Variants in NRXN3 observed in about 807,000 individuals in gnomAD.
The protein encoded by NRXN3 is neurexin 3.
A neutral mutation model predicts 137.6 loss-of-function variants in NRXN3; 32 were observed. The observed-to-expected ratio is 0.23, with a 90% CI of 0.18 to 0.31. The LOEUF is 0.31. NRXN3 is among the 10% of genes least tolerant of loss of function. NRXN3 has a pLI of 1.00. For synonymous variants in NRXN3, 798 were observed against 784.5 expected, an observed-to-expected ratio of 1.02 and a Z score of -0.29; for missense variants, 1,574 against 2,062.5, an observed-to-expected ratio of 0.76 and a Z score of 4.59.
intron 15 of NRXN3, among the ~76,000 whole-genome samples, chr14:79,460,534 C>T (rs1019950630): frequency 6.6e-6 from 1 of 152,142 alleles, no homozygotes; most frequent in African/African-American, 2.4e-5. Flanking sequence ...TGTTATCAAA[C>T]AGATTTAATG....
intron 4 of NRXN3, among the ~76,000 whole-genome samples, chr14:78,599,978 C>T (rs1343780366): frequency 6.6e-6 from 1 of 152,188 alleles, no homozygotes; most frequent in Non-Finnish European, 1.5e-5. Flanking sequence ...CACTGCAAGT[C>T]ATGCCACTCT....
chr14:78,758,522 G>A (rs1357888652), intron 8 of NRXN3, among the ~76,000 whole-genome samples: 6 of 152,142 alleles, frequency 3.9e-5, no homozygotes, highest in Admixed American at 2.0e-4. Context: ...TCCTCTGGTG[G>A]ATAGTCCAAG....
At chr14:79,615,268 A>C (rs1163218135) in intron 16 of NRXN3, among the ~76,000 whole-genome samples, 1 of 152,220 alleles carries the variant, frequency 6.6e-6, no homozygotes, top group Non-Finnish European at 1.5e-5. Context: ...ATAATGATAA[A>C]TGCATCTTCA....
At chr14:79,196,985 G>C (rs181810586) in intron 15 of NRXN3, among the ~76,000 whole-genome samples, 9 of 152,138 alleles carry the variant, frequency 5.9e-5, no homozygotes, top group Non-Finnish European at 1.2e-4. Context: ...GGGTCTGGGG[G>C]TCAGTTGAGG....
chr14:79,757,686 C>A (rs2099024392), intron 19 of NRXN3, among the ~76,000 whole-genome samples: 1 of 152,154 alleles, frequency 6.6e-6, no homozygotes, highest in Non-Finnish European at 1.5e-5. Flanking sequence ...CTCCTGAGTT[C>A]CTGCCTAGGT....
intron 14 of NRXN3, among the ~76,000 whole-genome samples, chr14:78,975,659 G>T (rs1344483801): frequency 6.6e-6 from 1 of 152,172 alleles, no homozygotes; most frequent in Non-Finnish European, 1.5e-5. Context: ...TTCCAAGACA[G>T]AGGGAAGAGA....
At chr14:78,481,116 T>C (rs770962145) in intron 4 of NRXN3, among the ~76,000 whole-genome samples, 4 of 152,184 alleles carry the variant, frequency 2.6e-5, no homozygotes, top group Non-Finnish European at 4.4e-5. Flanking sequence ...TATTATATTC[T>C]GGTGTGCAAG....
At chr14:78,479,984 A>G (rs1406852418) in intron 4 of NRXN3, among the ~76,000 whole-genome samples, 1 of 152,148 alleles carries the variant, frequency 6.6e-6, no homozygotes, top group Non-Finnish European at 1.5e-5. Context: ...ACTAAAAAAT[A>G]CAAAAATTAG....
At chr14:78,311,472 G>A (rs2077973283) in intron 4 of NRXN3, among the ~76,000 whole-genome samples, 1 of 152,160 alleles carries the variant, frequency 6.6e-6, no homozygotes, top group African/African-American at 2.4e-5. Flanking sequence ...CACAGCCCAG[G>A]ATGGCTTTGA....
intron 15 of NRXN3, chr14:79,280,504 CT>C (rs2081100499): frequency 1.2e-6 from 2 of 1,613,348 alleles, no homozygotes; most frequent in Admixed American, 1.7e-5. Context: ...CTATTTCTAT[CT>C]ATCGTTCCCC....
At chr14:79,399,815 C>T (rs554655690) in intron 15 of NRXN3, among the ~76,000 whole-genome samples, 16 of 152,220 alleles carry the variant, frequency 1.1e-4, no homozygotes, top group African/African-American at 3.9e-4. Flanking sequence ...GAATAGAAGG[C>T]CAAAATCAAG....
intron 10 of NRXN3, among the ~76,000 whole-genome samples, chr14:78,822,583 G>A (rs2098953811): frequency 6.6e-6 from 1 of 151,962 alleles, no homozygotes; most frequent in Non-Finnish European, 1.5e-5. Context: ...GCTGAGGCAG[G>A]AGAATCACTT....
chr14:79,073,087 A>G (rs1431611037), intron 15 of NRXN3, among the ~76,000 whole-genome samples: 1 of 152,016 alleles, frequency 6.6e-6, no homozygotes. Context: ...GTGTTTCACC[A>G]TCTTGACCAG....
At chr14:78,263,898 TGTGTGTGTGTGTGTGTG>T (rs1424267141) in intron 2 of NRXN3, among the ~76,000 whole-genome samples, 6 of 149,934 alleles carry the variant, frequency 4.0e-5, no homozygotes, top group African/African-American at 1.2e-4. Flanking sequence ...TGTGTGTGTG[TGTGTGTGTGTGTGTGTG>T]TGTGTGTGTG....
At chr14:78,407,860 C>G (rs1255309548) in intron 4 of NRXN3, among the ~76,000 whole-genome samples, 2 of 152,178 alleles carry the variant, frequency 1.3e-5, no homozygotes, top group African/African-American at 4.8e-5. Flanking sequence ...TGCTGCTCCT[C>G]CCTCACTGGA....
chr14:78,414,611 G>A (rs747119198), intron 4 of NRXN3, among the ~76,000 whole-genome samples: 31 of 152,228 alleles, frequency 2.0e-4, no homozygotes, highest in African/African-American at 7.0e-4. Context: ...GGATTTACTT[G>A]TATTACCAGA....
At chr14:79,621,346 G>C (rs182214532) in intron 16 of NRXN3, among the ~76,000 whole-genome samples, 1 of 152,144 alleles carries the variant, frequency 6.6e-6, no homozygotes, top group Non-Finnish European at 1.5e-5. Flanking sequence ...CAAAGATAAA[G>C]ATGTGAAGAA....
At chr14:78,501,235 C>T (rs2095871548) in intron 4 of NRXN3, among the ~76,000 whole-genome samples, 1 of 152,162 alleles carries the variant, frequency 6.6e-6, no homozygotes, top group South Asian at 2.1e-4. Context: ...CAGAATCTCT[C>T]AGAAGGTTAT....
intron 14 of NRXN3, among the ~76,000 whole-genome samples, chr14:78,970,555 A>C (rs2099434136): frequency 6.6e-6 from 1 of 152,202 alleles, no homozygotes; most frequent in African/African-American, 2.4e-5. Context: ...TTAAGGTGTA[A>C]ATAAATAAAG....
Sources: gnomAD v4.1 joint callset for allele counts (sites outside exome capture counted in the v4.1 genomes callset) on GRCh38, gnomAD v4.1.1 for gene constraint, MANE v1.5 for transcripts, NCBI Gene and HGNC (gene_info 2026-07-23, HGNC 2026-07-21) for gene names.